Variants in KDM4B observed in about 807,000 individuals in gnomAD.
KDM4B encodes the protein lysine-specific demethylase 4B.
In KDM4B, 32 loss-of-function variants were observed where a neutral mutation model predicts 125.2. The ratio of observed to expected loss-of-function variants is 0.26; its 90% CI spans 0.19 to 0.34. The LOEUF is 0.34. KDM4B is among the 10% of genes least tolerant of loss of function. The pLI is 1.00. For synonymous variants in KDM4B, 721 were observed against 677.9 expected (o/e 1.06, Z -0.99); for missense variants, 1,190 against 1,577.7 (o/e 0.75, Z 4.16).
chr19:5,030,708 C>T (rs1015251726), intron 2 of KDM4B, among the ~76,000 whole-genome samples: 10 of 152,224 alleles, frequency 6.6e-5, no homozygotes, highest in South Asian at 2.1e-4. Flanking sequence ...AGCTGTGTGC[C>T]GTGTGGCCTA....
At chr19:5,042,884 T>C (rs2036867629) in intron 5 of KDM4B, among the ~76,000 whole-genome samples, 1 of 151,222 alleles carries the variant, frequency 6.6e-6, no homozygotes, top group African/African-American at 2.4e-5. Flanking sequence ...TTCATCTGTA[T>C]TTCGCGTACA....
At chr19:5,042,719 C>T (rs954989430) in intron 5 of KDM4B, among the ~76,000 whole-genome samples, 4 of 151,014 alleles carry the variant, frequency 2.6e-5, no homozygotes, top group Non-Finnish European at 5.9e-5. Flanking sequence ...AGCCAGGTTT[C>T]GCGAGCACTC....
Position 4,969,150 on chromosome 19 carries a change from G to C in KDM4B, c.-189G>C, listed in dbSNP as rs983258145. On this transcript the variant is annotated 5_prime_UTR_variant, in exon 1 of 23. Transcript: ENST00000159111. ...CCAGCAACCGAGCGGGGCCCGGCCC[G>C]AGCGGGGCCTGGGGGTGCGACGCCG... The C allele has an allele frequency of 6.6e-6, 1 of 150,776 alleles. No individual in the cohort carries two copies. Among genetic ancestry groups the C allele is most frequent in the African/African-American group, 2.4e-5 (1 of 41,188 alleles). The allele number at this position is 150,776 out of a possible 1,614,324, so 9.3% of individuals were successfully genotyped here.
intron 21 of KDM4B, among the ~76,000 whole-genome samples, chr19:5,147,806 G>C (rs535370881): frequency 1.3e-5 from 2 of 152,144 alleles, no homozygotes; most frequent in South Asian, 2.1e-4. Context: ...AGAGGCTGTG[G>C]AATCAGGAAT....
rs1343565861 is a variant in KDM4B at position 5,144,989 on chromosome 19, G to T, written c.3021+87G>T. 8 of 1,570,164 alleles carry T rather than the reference G, an allele frequency of 5.1e-6. No individual in the cohort carries two copies. In the Admixed American group the frequency reaches 1.1e-4, roughly 22 times the overall value. ...ACAGGAGGATCACACCCCTGGCCCA[G>T]GTGCCTTTGCCTGGGGCACTGGCGG... On this transcript the variant is annotated intron_variant, in intron 21 of 22. Coordinates refer to ENST00000159111, the MANE Select transcript of KDM4B (RefSeq NM_015015.3).
At chr19:5,127,785 A>T (rs974511544) in intron 11 of KDM4B, among the ~76,000 whole-genome samples, 14 of 152,068 alleles carry the variant, frequency 9.2e-5, no homozygotes, top group Non-Finnish European at 2.1e-4. Flanking sequence ...CTAGGGGACG[A>T]TGGTGGCCTC....
intron 2 of KDM4B, among the ~76,000 whole-genome samples, chr19:5,023,226 G>C (rs1370380313): frequency 6.6e-6 from 1 of 152,194 alleles, no homozygotes; most frequent in Non-Finnish European, 1.5e-5. Flanking sequence ...GGCACGCGCT[G>C]GTGCTCTCTG....
intron 9 of KDM4B, among the ~76,000 whole-genome samples, chr19:5,095,602 G>A (rs980764275): frequency 2.0e-5 from 3 of 152,218 alleles, no homozygotes; most frequent in Non-Finnish European, 4.4e-5. Context: ...GGTGCTGGAC[G>A]CCCCCACAGT....
At chr19:5,064,836 G>C (rs2037716572) in intron 6 of KDM4B, among the ~76,000 whole-genome samples, 1 of 152,214 alleles carries the variant, frequency 6.6e-6, no homozygotes, top group African/African-American at 2.4e-5. Context: ...GGCAGGTGTG[G>C]TGGGGACATG....
rs986928763 is a variant in KDM4B at position 5,039,991 on chromosome 19, C to T, written c.297C>T (p.Arg99=). The part of the protein sequence containing the change: ...QKKAMTVGEY[R]RLANSEKYCT... ...AGGCCATGACAGTGGGCGAGTACCGCCGCCTGGCCAACAGCGAGAAGTACG... is the reference window on the plus strand; with the variant it reads ...AGGCCATGACAGTGGGCGAGTACCGTCGCCTGGCCAACAGCGAGAAGTACG... The change falls in exon 4 of 23, where the codon CGC becomes CGT. Residue 99 remains arginine (R), a synonymous_variant. Transcript: ENST00000159111. The T allele has an allele frequency of 1.6e-5, 25 of 1,611,262 alleles. No homozygotes were observed. Among genetic ancestry groups the T allele is most frequent in the East Asian group, 2.2e-5 (1 of 44,838 alleles).
chr19:5,055,087 G>A (rs2037354044), intron 6 of KDM4B, among the ~76,000 whole-genome samples: 1 of 152,264 alleles, frequency 6.6e-6, no homozygotes, highest in East Asian at 1.9e-4. Flanking sequence ...TTCTCCGGCT[G>A]GCCTGATCAG....
chr19:5,040,494 C>G (rs1203828813), intron 4 of KDM4B, among the ~76,000 whole-genome samples: 3 of 152,124 alleles, frequency 2.0e-5, no homozygotes, highest in Non-Finnish European at 2.9e-5. Context: ...TACACAGGGA[C>G]ACACAGGCTC....
At chr19:5,083,342 A>G (rs963763935) in intron 9 of KDM4B, among the ~76,000 whole-genome samples, 1 of 152,028 alleles carries the variant, frequency 6.6e-6, no homozygotes, top group Non-Finnish European at 1.5e-5. Context: ...CCCCTCCCCC[A>G]TGGTCTCTGC....
chr19:5,103,834 C>T (rs900031633), intron 9 of KDM4B, among the ~76,000 whole-genome samples: 55 of 152,262 alleles, frequency 3.6e-4, no homozygotes, highest in Non-Finnish European at 1.5e-5. Context: ...GCTCCACACC[C>T]TGTTCACTTC....
At chr19:5,100,020 C>T (rs952032554) in intron 9 of KDM4B, among the ~76,000 whole-genome samples, 3 of 152,258 alleles carry the variant, frequency 2.0e-5, no homozygotes, top group Admixed American at 6.5e-5. Flanking sequence ...GAAGTCCCTT[C>T]GAAGGCTGCA....
chr19:5,102,087 A>T (rs1263755151), intron 9 of KDM4B, among the ~76,000 whole-genome samples: 3 of 151,964 alleles, frequency 2.0e-5, no homozygotes, highest in African/African-American at 7.3e-5. Context: ...TTTCCAGGGG[A>T]CCCTGGGCCA....
At chr19:5,124,312 G>A (rs565218083) in intron 11 of KDM4B, among the ~76,000 whole-genome samples, 1 of 152,084 alleles carries the variant, frequency 6.6e-6, no homozygotes, top group Non-Finnish European at 1.5e-5. Context: ...GGGGGAAATC[G>A]GGCAGGCTGC....
rs138083510 is a variant in KDM4B at position 5,141,755 on chromosome 19, G to C, written c.2551-2212G>C. 0.014 allele frequency among the ~76,000 whole-genome samples: 2,089 copies of C among 152,296 alleles called. 43 individuals carry two copies. The highest frequency in any genetic ancestry group is 0.048 in the African/African-American group (2,009 of 41,546). On this transcript the variant is annotated intron_variant, in intron 18 of 22. Coordinates refer to ENST00000159111, the MANE Select transcript of KDM4B (RefSeq NM_015015.3). This position sits in a 1 kb window ranked among gnomAD's most constrained non-coding sequence, Gnocchi z 6.4. Reference sequence around the variant, plus strand: ...AAGTTATCACCACGTTCTCAAGGCCGTGCTGCTGAGAAGCTTCTCACCTAC... The same window carrying C: ...AAGTTATCACCACGTTCTCAAGGCCCTGCTGCTGAGAAGCTTCTCACCTAC...
At position 4,971,539 on chromosome 19, in the gene KDM4B, C is replaced by T. The variant is rs1051674809; in HGVS notation, c.-109+2309C>T. Among the ~76,000 whole-genome samples, 3 of 152,158 alleles carry T rather than the reference C, an allele frequency of 2.0e-5. No individual in the cohort carries two copies. Among genetic ancestry groups the T allele is most frequent in the Non-Finnish European group, 2.9e-5 (2 of 68,020 alleles). ...CGGTTCCATCTGACACCTGTGGGGA[C>T]GTGCCTTGGGGTCATGCGTTCACCT... On this transcript the variant is annotated intron_variant, in intron 1 of 22. Coordinates refer to ENST00000159111, the MANE Select transcript of KDM4B (RefSeq NM_015015.3). This position sits in a 1 kb window ranked among gnomAD's most constrained non-coding sequence, Gnocchi z 4.1.
Sources: gnomAD v4.1 joint callset for allele counts (sites outside exome capture counted in the v4.1 genomes callset) on GRCh38, gnomAD v4.1.1 for gene constraint, Gnocchi (gnomAD v3.1) non-coding constraint, MANE v1.5 for transcripts, NCBI Gene and HGNC (gene_info 2026-07-23, HGNC 2026-07-21) for gene names.